The following EPHB1 variants were observed in gnomAD, a reference collection of about 807,000 sequenced individuals.
EPHB1 encodes the protein ephrin type-B receptor 1.
EPHB1 carries 30 observed loss-of-function variants against 94.4 expected under a neutral mutation model. The ratio of observed to expected loss-of-function variants is 0.32; its 90% CI spans 0.24 to 0.43. EPHB1 has a LOEUF of 0.43. Among genes scored for constraint, EPHB1 ranks in the 20% least tolerant of loss-of-function variants. The probability of loss-of-function intolerance (pLI) is 1.00; values close to 1 mark genes in which losing one functional copy is unlikely to be tolerated. For missense variants in EPHB1, 1,055 were observed against 1,308.3 expected (o/e 0.81, Z 2.99); for synonymous variants, 522 against 489.1 (o/e 1.07, Z -0.89).
intron 3 of EPHB1, among the ~76,000 whole-genome samples, chr3:135,040,986 A>C (rs1936816121): frequency 6.6e-6 from 1 of 152,162 alleles, no homozygotes; most frequent in Admixed American, 6.5e-5. Context: ...GGAGCCCCTT[A>C]GGATAAGGCT....
intron 12 of EPHB1, among the ~76,000 whole-genome samples, chr3:135,224,339 T>A (rs1350925859): frequency 6.6e-6 from 1 of 152,202 alleles, no homozygotes; most frequent in African/African-American, 2.4e-5. Flanking sequence ...AATAAGACAT[T>A]CCTCATTTGG....
At chr3:134,907,837 A>G (rs537342086) in intron 1 of EPHB1, among the ~76,000 whole-genome samples, 1 of 152,332 alleles carries the variant, frequency 6.6e-6, no homozygotes, top group South Asian at 2.1e-4. Flanking sequence ...GAAGTGAGGG[A>G]TAATTGTCTA....
At chr3:135,000,585 T>C (rs1258458988) in intron 3 of EPHB1, among the ~76,000 whole-genome samples, 1 of 152,224 alleles carries the variant, frequency 6.6e-6, no homozygotes. Context: ...CAACACATTC[T>C]AGAACTCAAT....
chr3:135,231,235 A>C (rs1196933763), intron 12 of EPHB1, among the ~76,000 whole-genome samples: 1 of 152,200 alleles, frequency 6.6e-6, no homozygotes, highest in Non-Finnish European at 1.5e-5. Flanking sequence ...TAAACTCAAG[A>C]AGCACTGGAT....
chr3:135,167,459 G>C (rs955165874), intron 9 of EPHB1, among the ~76,000 whole-genome samples: 7 of 152,186 alleles, frequency 4.6e-5, no homozygotes, highest in African/African-American at 1.7e-4. Context: ...CAGAGCCCAA[G>C]AGGCCAAAGT....
At chr3:134,926,730 C>T (rs546571463) in intron 2 of EPHB1, among the ~76,000 whole-genome samples, 10 of 152,080 alleles carry the variant, frequency 6.6e-5, no homozygotes, top group South Asian at 4.2e-4. Context: ...GGATTTTATC[C>T]TATAGGAAAT....
chr3:135,142,249 C>T (rs531211626), intron 5 of EPHB1, among the ~76,000 whole-genome samples: 39 of 152,226 alleles, frequency 2.6e-4, no homozygotes, highest in Middle Eastern at 3.4e-3. Flanking sequence ...AATGGAACTA[C>T]CCAGGTAAAT....
chr3:134,819,552 A>G (rs529264713), intron 1 of EPHB1, among the ~76,000 whole-genome samples: 1 of 152,328 alleles, frequency 6.6e-6, no homozygotes, highest in East Asian at 1.9e-4. Flanking sequence ...CCTGGTACAG[A>G]CAAGGCTTGG....
intron 6 of EPHB1, among the ~76,000 whole-genome samples, chr3:135,154,598 G>C (rs561196512): frequency 6.6e-6 from 1 of 152,238 alleles, no homozygotes; most frequent in East Asian, 1.9e-4. Flanking sequence ...AAAACTGCCA[G>C]GGGTCCCCGA....
chr3:135,015,303 T>C (rs1400033580), intron 3 of EPHB1, among the ~76,000 whole-genome samples: 1 of 151,950 alleles, frequency 6.6e-6, no homozygotes, highest in Non-Finnish European at 1.5e-5. Flanking sequence ...TGCAGTGGCA[T>C]GATCTCGGCT....
intron 1 of EPHB1, among the ~76,000 whole-genome samples, chr3:134,847,769 G>A (rs1037317202): frequency 3.3e-5 from 5 of 152,306 alleles, no homozygotes; most frequent in Non-Finnish European, 7.3e-5. Flanking sequence ...CATATGTGGA[G>A]TCAGATTCCA....
intron 3 of EPHB1, among the ~76,000 whole-genome samples, chr3:134,970,056 C>G (rs765101840): frequency 3.3e-5 from 5 of 152,204 alleles, no homozygotes; most frequent in Non-Finnish European, 7.4e-5. Flanking sequence ...CAGTCTGTAA[C>G]TGATCTCTTT....
At chr3:135,250,553 G>A (rs1179426532) in intron 15 of EPHB1, among the ~76,000 whole-genome samples, 1 of 152,108 alleles carries the variant, frequency 6.6e-6, no homozygotes, top group East Asian at 1.9e-4. Context: ...GGTAAGATCT[G>A]AGCATAAGGG....
intron 9 of EPHB1, among the ~76,000 whole-genome samples, chr3:135,170,672 A>G (rs115178400): frequency 0.015 from 2,274 of 152,304 alleles, 27 homozygotes; most frequent in Middle Eastern, 0.027. Flanking sequence ...GTGGGCAAGT[A>G]TAAGTTTGAG....
At chr3:135,120,993 G>A (rs1446677936) in intron 4 of EPHB1, among the ~76,000 whole-genome samples, 1 of 152,128 alleles carries the variant, frequency 6.6e-6, no homozygotes, top group East Asian at 1.9e-4. Context: ...TAGCCCAGAG[G>A]TTCCATCCTA....
chr3:135,037,069 A>G (rs927411607), intron 3 of EPHB1, among the ~76,000 whole-genome samples: 6 of 152,100 alleles, frequency 3.9e-5, no homozygotes, highest in African/African-American at 1.4e-4. Flanking sequence ...GAACATCTTG[A>G]CCTGGGATAT....
At chr3:134,861,554 C>T (rs547280820) in intron 1 of EPHB1, among the ~76,000 whole-genome samples, 1 of 152,170 alleles carries the variant, frequency 6.6e-6, no homozygotes, top group South Asian at 2.1e-4. Context: ...TGCCAGCTTC[C>T]AGAAAAGAAA....
chr3:134,853,694 A>G (rs1220011459), intron 1 of EPHB1, among the ~76,000 whole-genome samples: 2 of 152,196 alleles, frequency 1.3e-5, no homozygotes, highest in Non-Finnish European at 2.9e-5. Flanking sequence ...AGTTACACAG[A>G]TGGTGAACCT....
chr3:134,904,292 T>C (rs2038270644), intron 1 of EPHB1, among the ~76,000 whole-genome samples: 1 of 152,270 alleles, frequency 6.6e-6, no homozygotes, highest in South Asian at 2.1e-4. Flanking sequence ...ACTAATTTTG[T>C]GCATGAATGA....
Sources: gnomAD v4.1 joint callset for allele counts (sites outside exome capture counted in the v4.1 genomes callset) on GRCh38, gnomAD v4.1.1 for gene constraint, MANE v1.5 for transcripts, NCBI Gene and HGNC (gene_info 2026-07-23, HGNC 2026-07-21) for gene names.